Variants in SPEG observed in about 807,000 individuals in gnomAD.
SPEG encodes striated muscle preferentially expressed protein kinase.
SPEG carries 114 observed loss-of-function variants against 300.4 expected under a neutral mutation model. The ratio of observed to expected loss-of-function variants is 0.38; its 90% confidence interval spans 0.33 to 0.44. SPEG has a LOEUF of 0.44. SPEG is among the 20% of genes least tolerant of loss of function. SPEG has a pLI of 1.00. For missense variants in SPEG, 4,201 were observed against 4,586.2 expected, an observed-to-expected ratio of 0.92 and a Z score of 2.43; for synonymous variants, 1,964 against 2,018.9, an observed-to-expected ratio of 0.97 and a Z score of 0.73.
At chr2:219,492,538 C>G in intron 40 of SPEG, 56 bp from the exon 41 acceptor site, 4 of 1,563,030 alleles carry the variant, frequency 2.6e-6, no homozygotes, top group Non-Finnish European at 3.5e-6. Context: ...AGGACAGAGC[C>G]CCGGCAGCTC....
intron 1 of SPEG, among the ~76,000 whole-genome samples, chr2:219,435,697 G>A (rs1954700448): frequency 6.6e-6 from 1 of 151,372 alleles, no homozygotes; most frequent in Non-Finnish European, 1.5e-5. Flanking sequence ...TGGGGGAAAG[G>A]GTGTCCTTCA....
At chr2:219,436,584 G>A (rs959241808) in intron 1 of SPEG, among the ~76,000 whole-genome samples, 1 of 152,222 alleles carries the variant, frequency 6.6e-6, no homozygotes, top group Non-Finnish European at 1.5e-5. Flanking sequence ...AGCAGCAGGT[G>A]GGCAAGAAGT....
intron 6 of SPEG, among the ~76,000 whole-genome samples, chr2:219,455,715 C>T (rs1690126925): frequency 6.6e-6 from 1 of 152,202 alleles, no homozygotes; most frequent in South Asian, 2.1e-4. Context: ...TGGTGATGCC[C>T]TCTGTGGGTG....
Position 219,478,081 on chromosome 2 carries a change from G to C in SPEG, c.5003G>C (p.Arg1668Pro). 1.2e-6 allele frequency: 2 copies of C among 1,614,012 alleles called. No individual in the cohort carries two copies. Among genetic ancestry groups the C allele is most frequent in the South Asian group, 2.2e-5 (2 of 91,076 alleles). The change falls in exon 22 of 41, where the codon CGG (arginine) becomes CCG (proline). Residue 1668 changes from arginine to proline, a missense_variant. Arg to Pro is a moderately radical substitution (Grantham distance 103). Transcript: ENST00000312358. The part of the protein sequence containing the change: ...LYFHEAFERR[R>P]GLVIVTELCT... ...TTCCATGAGGCCTTCGAGAGGCGCC[G>C]GGGACTGGTCATTGTCACCGAGCTG...
rs1954680131 is a variant in SPEG, at chr2:219,435,143, G to A, written c.166G>A (p.Ala56Thr). The change falls in exon 1 of 41, where the codon GCG becomes ACG. Residue 56 changes from alanine (A) to threonine (T), a missense_variant. Coordinates refer to ENST00000312358, the MANE Select transcript of SPEG (RefSeq NM_005876.5). ...GCCCCTGAAGAACGCGGCGGTGTGC[G>A]CGGGCAGCGACGTGCGGCTGCGGGT... Reference protein sequence around the residue: ...LRPLKNAAVCAGSDVRLRVVV... With the variant: ...LRPLKNAAVCTGSDVRLRVVV... 2.1e-6 allele frequency: 3 copies of A among 1,460,192 alleles called. No individual in the cohort carries two copies. Among genetic ancestry groups the A allele is most frequent in the Non-Finnish European group, 2.7e-6 (3 of 1,116,572 alleles). The allele number at this position is 1,460,192 out of a possible 1,614,324, so 90.5% of individuals were successfully genotyped here. A position where few individuals can be genotyped will look rare whatever the true frequency, so the allele number is the denominator to read the frequency against.
intron 35 of SPEG, 42 bp downstream of exon 35, chr2:219,489,263 G>A (rs369744301): frequency 6.4e-5 from 103 of 1,613,072 alleles, no homozygotes; most frequent in Non-Finnish European, 7.8e-5. Flanking sequence ...AGGGGGCTCT[G>A]AGCCTAGGGT....
intron 1 of SPEG, among the ~76,000 whole-genome samples, chr2:219,440,561 T>TTTTG (rs1553605123): frequency 1.5e-4 from 21 of 143,580 alleles, no homozygotes; most frequent in Non-Finnish European, 2.7e-4. Flanking sequence ...ATTTATTTTA[T>TTTTG]TTTATTTATT....
rs2125614026 is a variant in SPEG, at chr2:219,493,512, A to T, written c.*726A>T. 1 of 454,694 alleles carries T rather than the reference A, an allele frequency of 2.2e-6. No individual in the cohort carries two copies. The highest frequency in any genetic ancestry group is 2.4e-5 in the Admixed American group (1 of 42,522). 28.2% of individuals were successfully genotyped at this position (454,694 alleles called of 1,614,324 possible). A position where few individuals can be genotyped will look rare whatever the true frequency, so the allele number is the denominator to read the frequency against. ...CCCATTCATATTTATTTATTTATTG[A>T]CTTTTATGAAGTTTCCCCTTCCATC... On this transcript the variant is annotated 3_prime_UTR_variant, in exon 41 of 41. Transcript: ENST00000312358.
At chr2:219,465,638 G>A (rs958759306) in intron 9 of SPEG, 1 of 269,610 alleles carries the variant, frequency 3.7e-6, no homozygotes, top group Non-Finnish European at 7.1e-6. Context: ...GGTTGCCCGG[G>A]GTCTCTGCCT....
In SPEG at chr2:219,485,331, C is replaced by A. The variant is rs770590457; in HGVS notation, c.7610-15C>A. 3 of 1,601,468 alleles carry A rather than the reference C, an allele frequency of 1.9e-6. No individual in the cohort carries two copies. The highest frequency in any genetic ancestry group is 1.7e-6 in the Non-Finnish European group (2 of 1,174,558). On this transcript the variant is annotated splice_polypyrimidine_tract_variant and intron_variant, in intron 30 of 40. Coordinates refer to ENST00000312358, the MANE Select transcript of SPEG (RefSeq NM_005876.5). ...TACTGACTGAACAAATACTCACGGG[C>A]CTGAGTCTTCACAGCCCCAGGGGAA...
Position 219,469,156 on chromosome 2 carries a change from C to T in SPEG, c.3492C>T (p.Ser1164=). The T allele has an allele frequency of 6.2e-7, 1 of 1,613,702 alleles. No individual in the cohort carries two copies. The highest frequency in any genetic ancestry group is 1.1e-5 in the South Asian group (1 of 91,078). ...TGTGGGCAGCTGTGTGGTCTTGCAGCTCGAAGCTGGAGAAGATGCCATCCA... is the reference window on the plus strand; with the variant it reads ...TGTGGGCAGCTGTGTGGTCTTGCAGTTCGAAGCTGGAGAAGATGCCATCCA... ...EEPRTAASGP[S]SKLEKMPSIP... The change falls in exon 13 of 41, where the codon AGC becomes AGT. Residue 1164 remains serine (S), a splice_region_variant and synonymous_variant. Transcript: ENST00000312358.
In SPEG at chr2:219,445,665, A is replaced by C. The variant is rs1689225857; in HGVS notation, c.815+504A>C. 6.1e-6 allele frequency: 1 copy of C among 165,198 alleles called. No individual in the cohort carries two copies. Among genetic ancestry groups the C allele is most frequent in the African/African-American group, 2.4e-5 (1 of 41,294 alleles). The allele number at this position is 165,198 out of a possible 1,614,324, so 10.2% of individuals were successfully genotyped here. A position where few individuals can be genotyped will look rare whatever the true frequency, so the allele number is the denominator to read the frequency against. ...GAGAGAGCAGGGGAACAAGCCAGCA[A>C]GCAGGAGAGAGAAGAGAGTGAGGTG... On this transcript the variant is annotated intron_variant, in intron 3 of 40. Transcript: ENST00000312358. This position sits in a 1 kb window ranked among gnomAD's most constrained non-coding sequence, Gnocchi z 6.1.
chr2:219,484,069 TCCGCAGCCCC>T lies in SPEG; in HGVS notation c.6612_6621del (p.Gln2204HisfsTer32). The T allele has an allele frequency of 6.2e-7, 1 of 1,613,330 alleles. No individual in the cohort carries two copies. The highest frequency in any genetic ancestry group is 8.5e-7 in the Non-Finnish European group (1 of 1,179,842). ...CTTCTGCCACCACACCTAGTGATGCTCCGCAGCCCCCCGCACCCCAGCCTGCCCAAGACAA... is the reference window on the plus strand; with the variant it reads ...CTTCTGCCACCACACCTAGTGATGCTCCGCACCCCAGCCTGCCCAAGACAA... On this transcript the variant is annotated frameshift_variant, in exon 30 of 41. Transcript: ENST00000312358. LOFTEE classifies it high-confidence loss of function.
intron 31 of SPEG, among the ~76,000 whole-genome samples, chr2:219,487,491 G>C (rs1454903942): frequency 6.6e-6 from 1 of 152,224 alleles, no homozygotes; most frequent in Non-Finnish European, 1.5e-5. Flanking sequence ...TTGATTTACA[G>C]ATTAGAAATG....
At chr2:219,455,660 C>T (rs902981115) in intron 6 of SPEG, among the ~76,000 whole-genome samples, 4 of 152,052 alleles carry the variant, frequency 2.6e-5, no homozygotes, top group African/African-American at 4.8e-5. Context: ...TGAAGAAGTT[C>T]GAGGTTGAGG....
intron 6 of SPEG, among the ~76,000 whole-genome samples, chr2:219,454,814 C>T (rs1043993083): frequency 1.4e-4 from 22 of 152,330 alleles, no homozygotes; most frequent in African/African-American, 4.8e-4. Context: ...CATGACTGGG[C>T]TGAGTGTGGT....
intron 28 of SPEG, 51 bp from the exon 29 acceptor site, chr2:219,482,733 G>T (rs771375624): frequency 1.3e-6 from 2 of 1,563,450 alleles, no homozygotes; most frequent in African/African-American, 2.7e-5. Flanking sequence ...GCCAAACCTG[G>T]AGGGTCTAGG....
intron 13 of SPEG, among the ~76,000 whole-genome samples, chr2:219,471,065 C>A (rs1691830438): frequency 6.6e-6 from 1 of 152,060 alleles, no homozygotes; most frequent in Non-Finnish European, 1.5e-5. Flanking sequence ...GGAAGAGCCC[C>A]CGCCCATGAA....
At chr2:219,488,932 G>A (rs1257717634) in intron 34 of SPEG, 32 bp downstream of exon 34, 1 of 1,581,546 alleles carries the variant, frequency 6.3e-7, no homozygotes, top group Admixed American at 1.8e-5. Context: ...GGTTGGGGGA[G>A]CGGCAGGGGG....
Sources: gnomAD v4.1 joint callset for allele counts (sites outside exome capture counted in the v4.1 genomes callset) on GRCh38, gnomAD v4.1.1 for gene constraint, Gnocchi (gnomAD v3.1) non-coding constraint, MANE v1.5 for transcripts, NCBI Gene and HGNC (gene_info 2026-07-23, HGNC 2026-07-21) for gene names.